CYFIP2: variants seen among roughly 807,000 people sequenced by gnomAD.
The protein encoded by CYFIP2 is cytoplasmic FMR1 interacting protein 2.
In CYFIP2, 29 loss-of-function variants were observed where a neutral mutation model predicts 158.7. That is an observed-to-expected ratio of 0.18 (90% CI 0.14 to 0.25). CYFIP2 has a LOEUF of 0.25. Ranked by LOEUF, CYFIP2 falls within the 10% of genes least tolerant of loss-of-function variation. The probability of loss-of-function intolerance (pLI) is 1.00; values close to 1 mark genes in which losing one functional copy is unlikely to be tolerated. For synonymous variants in CYFIP2, 585 were observed against 617.6 expected, an observed-to-expected ratio of 0.95 and a Z score of 0.78; for missense variants, 852 against 1,639.5, an observed-to-expected ratio of 0.52 and a Z score of 8.29.
At chr5:157,317,351 C>G (rs1000625533) in intron 13 of CYFIP2, among the ~76,000 whole-genome samples, 5 of 152,172 alleles carry the variant, frequency 3.3e-5, no homozygotes, top group Admixed American at 3.3e-4. Context: ...AGTAACCTGC[C>G]TGTACCATGT....
rs1700928223 is a variant in CYFIP2 at position 157,394,046 on chromosome 5, GTC to G, written c.*1047_*1048del. On this transcript the variant is annotated 3_prime_UTR_variant, in exon 31 of 31. Coordinates refer to ENST00000620254, the MANE Select transcript of CYFIP2 (RefSeq NM_001037333.3). The stretch of plus-strand genomic sequence containing the variant: ...ATACACCCCCTGCCCCCAAAGAAGA[GTC>G]CTCTTTTAGGGAATCAGAACCTTCA... 1.3e-5 allele frequency: 2 copies of G among 152,166 alleles called. No homozygotes were observed. Among genetic ancestry groups the G allele is most frequent in the Non-Finnish European group, 2.9e-5 (2 of 68,036 alleles). 9.4% of individuals were successfully genotyped at this position (152,166 alleles called of 1,614,324 possible).
intron 3 of CYFIP2, among the ~76,000 whole-genome samples, chr5:157,292,123 C>G (rs1442996111): frequency 6.6e-6 from 1 of 152,100 alleles, no homozygotes; most frequent in African/African-American, 2.4e-5. Flanking sequence ...CTATTTTCAT[C>G]TAAATAAATA....
intron 24 of CYFIP2, among the ~76,000 whole-genome samples, chr5:157,359,424 A>T (rs3816319): frequency 0.48 from 72,791 of 151,986 alleles, 19,498 homozygotes; most frequent in African/African-American, 0.74. Context: ...AAATCCTGAT[A>T]TTGTCCTTCA....
intron 1 of CYFIP2, among the ~76,000 whole-genome samples, chr5:157,280,363 A>ATTTTTTTTTT (rs57893061): frequency 1.5e-5 from 2 of 133,226 alleles, no homozygotes; most frequent in South Asian, 2.4e-4. Flanking sequence ...CGCCTGGCTA[A>ATTTTTTTTTT]TTTTTTTTTT....
At chr5:157,387,002 A>C (rs1250597745) in intron 28 of CYFIP2, among the ~76,000 whole-genome samples, 2 of 152,100 alleles carry the variant, frequency 1.3e-5, no homozygotes, top group African/African-American at 4.8e-5. Context: ...ATTTAAGATA[A>C]CCAAGTATAT....
intron 12 of CYFIP2, 77 bp downstream of exon 12, chr5:157,314,540 T>C: frequency 2.6e-6 from 4 of 1,526,638 alleles, no homozygotes; most frequent in Non-Finnish European, 3.5e-6. Flanking sequence ...CCTAGCACTC[T>C]CTTTTTAACA....
intron 23 of CYFIP2, among the ~76,000 whole-genome samples, chr5:157,352,451 A>G (rs1371170192): frequency 2.0e-5 from 3 of 152,188 alleles, no homozygotes; most frequent in African/African-American, 7.2e-5. Context: ...CACCACCAAC[A>G]GCACCTCCCA....
chr5:157,286,550 A>ATG (rs144860292), intron 2 of CYFIP2, among the ~76,000 whole-genome samples: 11,838 of 109,858 alleles, frequency 0.11, 736 homozygotes, highest in East Asian at 0.41. Flanking sequence ...ATGCTATTTT[A>ATG]TGTATATATA....
intron 3 of CYFIP2, among the ~76,000 whole-genome samples, chr5:157,291,551 C>T (rs184378675): frequency 1.3e-5 from 2 of 152,330 alleles, no homozygotes; most frequent in African/African-American, 4.8e-5. Context: ...AATTAACACC[C>T]GTCGGCAGGC....
rs762910079 is a variant in CYFIP2 at position 157,287,002 on chromosome 5, G to A, written c.118-17G>A. On this transcript the variant is annotated splice_polypyrimidine_tract_variant and intron_variant, in intron 2 of 30. Coordinates refer to ENST00000620254, the MANE Select transcript of CYFIP2 (RefSeq NM_001037333.3). ...GTTTTCTAACAACCAAAATGTTCCT[G>A]TCCTCTAATTCCACAGGCTAACTTT... 1 of 1,608,974 alleles carries A rather than the reference G, an allele frequency of 6.2e-7. No homozygotes were observed. Among genetic ancestry groups the A allele is most frequent in the South Asian group, 1.1e-5 (1 of 90,484 alleles).
chr5:157,299,304 C>T (rs757185254), intron 5 of CYFIP2, among the ~76,000 whole-genome samples: 1 of 152,140 alleles, frequency 6.6e-6, no homozygotes, highest in Admixed American at 6.5e-5. Flanking sequence ...GTGCCCTGAC[C>T]CCATCTCTCT....
At position 157,390,620 on chromosome 5, in the gene CYFIP2, G is replaced by A. The variant is rs770285698; in HGVS notation, c.3546G>A (p.Leu1182=). ...ACCTGTTCGACTTCTGTTACCACCT[G>A]CTAAAAGTGCAGAGGCAGGACGGGA... ...RFDLFDFCYH[L]LKVQRQDGKD... is the part of the protein sequence containing the mutation. Residue 1182 remains leucine, a synonymous_variant, in exon 30 of 31, where the codon CTG becomes CTA. Coordinates refer to ENST00000620254, the MANE Select transcript of CYFIP2 (RefSeq NM_001037333.3). The A allele has an allele frequency of 1.7e-5, 27 of 1,578,152 alleles. No individual in the cohort carries two copies. In the South Asian group the frequency reaches 2.8e-4, roughly 16 times the overall value.
chr5:157,308,908 A>G (rs1036323139), intron 9 of CYFIP2, among the ~76,000 whole-genome samples: 5 of 152,174 alleles, frequency 3.3e-5, no homozygotes, highest in Non-Finnish European at 5.9e-5. Context: ...TAGCTGGATG[A>G]CGTTGGGAAA....
At chr5:157,292,430 G>A (rs146388841) in intron 3 of CYFIP2, among the ~76,000 whole-genome samples, 1,612 of 152,200 alleles carry the variant, frequency 0.011, 33 homozygotes, top group African/African-American at 0.035. Context: ...TGTTCATCAG[G>A]CTGGCCTCGA....
intron 30 of CYFIP2, among the ~76,000 whole-genome samples, chr5:157,391,647 G>A (rs1347796951): frequency 6.6e-6 from 1 of 152,140 alleles, no homozygotes; most frequent in Non-Finnish European, 1.5e-5. Flanking sequence ...ATTGCATTGT[G>A]TATATAGACC....
In CYFIP2 at chr5:157,358,895, C is replaced by T. The variant is rs1039808261; in HGVS notation, c.2674-110C>T. 55 of 1,404,550 alleles carry T rather than the reference C, an allele frequency of 3.9e-5. 1 individual carries two copies. The highest frequency in any genetic ancestry group is 5.0e-4 in the Middle Eastern group (2 of 3,980). The allele number at this position is 1,404,550 out of a possible 1,614,324, so 87.0% of individuals were successfully genotyped here. Reference sequence around the variant, plus strand: ...CATATTCATGGGGCTCCAGTGAGCACGCTCGTAACACTGGGTTCCTAATGC... The same window carrying T: ...CATATTCATGGGGCTCCAGTGAGCATGCTCGTAACACTGGGTTCCTAATGC... On this transcript the variant is annotated intron_variant, in intron 23 of 30. Coordinates refer to ENST00000620254, the MANE Select transcript of CYFIP2 (RefSeq NM_001037333.3).
intron 18 of CYFIP2, among the ~76,000 whole-genome samples, chr5:157,327,025 A>C (rs1023841043): frequency 6.6e-6 from 1 of 152,204 alleles, no homozygotes; most frequent in African/African-American, 2.4e-5. Flanking sequence ...AGTAAATAGG[A>C]TCTGTTTCCT....
At chr5:157,284,382 G>A (rs1027506347) in intron 1 of CYFIP2, among the ~76,000 whole-genome samples, 3 of 152,102 alleles carry the variant, frequency 2.0e-5, no homozygotes, top group Non-Finnish European at 4.4e-5. Context: ...CAAAGGTATG[G>A]GATTTTATTG....
chr5:157,300,920 C>G, intron 6 of CYFIP2, 24 bp downstream of exon 6: 1 of 1,524,046 alleles, frequency 6.6e-7, no homozygotes, highest in Middle Eastern at 1.8e-4. Flanking sequence ...CCCCCTCTCC[C>G]CTTTCCCCAT....
Sources: gnomAD v4.1 joint callset for allele counts (sites outside exome capture counted in the v4.1 genomes callset) on GRCh38, gnomAD v4.1.1 for gene constraint, MANE v1.5 for transcripts, NCBI Gene and HGNC (gene_info 2026-07-23, HGNC 2026-07-21) for gene names.